NRG2: variants seen among roughly 807,000 people sequenced by gnomAD.
NRG2 encodes pro-neuregulin-2, membrane-bound isoform.
Under a neutral mutation model 73.9 loss-of-function variants are expected in NRG2, and 27 were observed. That is an observed-to-expected ratio of 0.37 (90% CI 0.27 to 0.50). NRG2 has a LOEUF of 0.50. Among genes scored for constraint, NRG2 ranks in the 20% least tolerant of loss-of-function variants. The probability of loss-of-function intolerance (pLI) is 0.96; values close to 1 mark genes in which losing one functional copy is unlikely to be tolerated. For missense variants in NRG2, 1,126 were observed against 1,210.1 expected, an observed-to-expected ratio of 0.93 and a Z score of 1.03; for synonymous variants, 532 against 541.0, an observed-to-expected ratio of 0.98 and a Z score of 0.23.
At position 139,904,678 on chromosome 5, in the gene NRG2, C is replaced by A. The variant is rs1045692053; in HGVS notation, c.701-17167G>T. Among the ~76,000 whole-genome samples, 2 of 152,132 alleles carry A rather than the reference C, an allele frequency of 1.3e-5. No homozygotes were observed. The highest frequency in any genetic ancestry group is 2.9e-5 in the Non-Finnish European group (2 of 68,008). On this transcript the variant is annotated intron_variant, in intron 1 of 9. Coordinates refer to ENST00000361474, the MANE Select transcript of NRG2 (RefSeq NM_004883.3). This position sits in a 1 kb window ranked among gnomAD's most constrained non-coding sequence, Gnocchi z 6.0. ...AGGCAAGACCGGCGCCTAAACAGGG[C>A]GCCACAGACCTCCTCGCCGAAGAGG...
chr5:139,902,608 G>A (rs1366759357), intron 1 of NRG2, among the ~76,000 whole-genome samples: 4 of 152,108 alleles, frequency 2.6e-5, no homozygotes, highest in Non-Finnish European at 5.9e-5. Flanking sequence ...GAAGCCCACC[G>A]AGTGCTTGCT....
chr5:139,927,455 G>C (rs941792341), intron 1 of NRG2, among the ~76,000 whole-genome samples: 2 of 152,084 alleles, frequency 1.3e-5, no homozygotes, highest in African/African-American at 4.8e-5. Context: ...CTAGTTCCCT[G>C]TTCAGAAACT....
At chr5:139,895,614 A>G (rs1475915009) in intron 1 of NRG2, among the ~76,000 whole-genome samples, 1 of 152,130 alleles carries the variant, frequency 6.6e-6, no homozygotes, top group African/African-American at 2.4e-5. Context: ...CAATTTCTCA[A>G]CTGTCTGCCC....
intron 1 of NRG2, among the ~76,000 whole-genome samples, chr5:139,921,339 G>C (rs1751644723): frequency 6.6e-6 from 1 of 152,186 alleles, no homozygotes; most frequent in Non-Finnish European, 1.5e-5. Flanking sequence ...GCCTGACTTT[G>C]AGGCTTTCTG....
At position 139,846,789 on chromosome 5, in the gene NRG2, AT is replaced by A. The variant is rs1166595442; in HGVS notation, c.*1127del. 1 of 152,080 alleles carries A rather than the reference AT, an allele frequency of 6.6e-6. No individual in the cohort carries two copies. Among genetic ancestry groups the A allele is most frequent in the Non-Finnish European group, 1.5e-5 (1 of 68,042 alleles). 9.4% of individuals were successfully genotyped at this position (152,080 alleles called of 1,614,324 possible). A position where few individuals can be genotyped will look rare whatever the true frequency, so the allele number is the denominator to read the frequency against. ...AGGCACACACAGTCAAACAGGAGTT[AT>A]TTCTGATTTTATTTATAATATAAAA... On this transcript the variant is annotated 3_prime_UTR_variant, in exon 10 of 10. Transcript: ENST00000361474.
chr5:139,940,456 T>C (rs1469657081), intron 1 of NRG2, among the ~76,000 whole-genome samples: 1 of 152,206 alleles, frequency 6.6e-6, no homozygotes, highest in African/African-American at 2.4e-5. Flanking sequence ...TCTAACATGA[T>C]TGTAGTGATG....
At position 139,954,391 on chromosome 5, in the gene NRG2, C is replaced by T. The variant is rs575231855; in HGVS notation, c.701-66880G>A. On this transcript the variant is annotated intron_variant, in intron 1 of 9. Transcript: ENST00000361474. The surrounding 1 kb of genome is among the most constrained non-coding windows in gnomAD (Gnocchi z 5.0). ...AGGAAGAATGAAATGACTGGAGGGG[C>T]AGGAAGGGAGGGAAATTGTGCCAGC... 1.8e-4 allele frequency among the ~76,000 whole-genome samples: 27 copies of T among 152,280 alleles called. No individual in the cohort carries two copies. The South Asian group carries it at 2.5e-3, about 14-fold the overall frequency.
At chr5:139,973,252 A>G (rs1201602554) in intron 1 of NRG2, among the ~76,000 whole-genome samples, 1 of 152,144 alleles carries the variant, frequency 6.6e-6, no homozygotes, top group Non-Finnish European at 1.5e-5. Flanking sequence ...AATAATTGAT[A>G]AAATAAATTA....
chr5:140,016,783 G>A (rs1759816964), intron 1 of NRG2, among the ~76,000 whole-genome samples: 1 of 152,218 alleles, frequency 6.6e-6, no homozygotes, highest in South Asian at 2.1e-4. Flanking sequence ...AGGAGGAAGA[G>A]CATCTCGGAG....
intron 1 of NRG2, among the ~76,000 whole-genome samples, chr5:139,927,745 C>CA (rs1431676180): frequency 1.8e-5 from 2 of 112,508 alleles, no homozygotes; most frequent in Non-Finnish European, 3.6e-5. Flanking sequence ...GCCTGGGCGA[C>CA]AAGAGTGAAA....
At chr5:139,857,510 T>A (rs1270549866) in intron 5 of NRG2, among the ~76,000 whole-genome samples, 1 of 133,520 alleles carries the variant, frequency 7.5e-6, no homozygotes, top group African/African-American at 3.8e-5. Context: ...TGAACTGTGC[T>A]TGTCTCAGTG....
At chr5:139,917,277 G>A (rs1004575801) in intron 1 of NRG2, among the ~76,000 whole-genome samples, 6 of 151,906 alleles carry the variant, frequency 3.9e-5, no homozygotes, top group African/African-American at 1.5e-4. Flanking sequence ...TTTGAGACAA[G>A]GTCTCACTCT....
intron 1 of NRG2, among the ~76,000 whole-genome samples, chr5:139,920,505 A>G (rs1428109235): frequency 1.3e-5 from 2 of 151,668 alleles, no homozygotes; most frequent in Non-Finnish European, 2.9e-5. Context: ...TATAAATAAT[A>G]AACCTTGTTT....
intron 1 of NRG2, among the ~76,000 whole-genome samples, chr5:140,029,687 CAAA>C (rs34122778): frequency 0.031 from 1,924 of 61,300 alleles, 129 homozygotes; most frequent in African/African-American, 0.098. Context: ...GACTCTGTCT[CAAA>C]AAAAAAAAAA....
chr5:139,893,932 G>T (rs1266258169), intron 1 of NRG2, among the ~76,000 whole-genome samples: 2 of 152,150 alleles, frequency 1.3e-5, no homozygotes, highest in Non-Finnish European at 2.9e-5. Context: ...CTATCTCCTG[G>T]TGCCAAGCCA....
At chr5:139,960,291 G>A (rs1158195600) in intron 1 of NRG2, among the ~76,000 whole-genome samples, 2 of 152,198 alleles carry the variant, frequency 1.3e-5, no homozygotes, top group Non-Finnish European at 2.9e-5. Context: ...GAGGCGGGCA[G>A]GTCACCTGAG....
At chr5:139,867,221 A>G (rs575667805) in intron 4 of NRG2, among the ~76,000 whole-genome samples, 9 of 152,198 alleles carry the variant, frequency 5.9e-5, no homozygotes, top group African/African-American at 2.2e-4. Flanking sequence ...GGGGAATGGG[A>G]GTGGTAGTTG....
At chr5:140,018,291 G>C (rs1759951071) in intron 1 of NRG2, among the ~76,000 whole-genome samples, 1 of 152,130 alleles carries the variant, frequency 6.6e-6, no homozygotes, top group Non-Finnish European at 1.5e-5. Context: ...GCATAACCAG[G>C]TCAAATGTGG....
chr5:139,987,933 C>T lies in NRG2; in HGVS notation c.700+54437G>A, dbSNP rs187160253. The stretch of plus-strand genomic sequence containing the variant: ...GGGACTATAGGCGCACACCGCCATG[C>T]CTGGCTAATTTTTTGTATTTTCAGT... On this transcript the variant is annotated intron_variant, in intron 1 of 9. Coordinates refer to ENST00000361474, the MANE Select transcript of NRG2 (RefSeq NM_004883.3). Among the ~76,000 whole-genome samples, 209 of 152,248 alleles carry T rather than the reference C, an allele frequency of 1.4e-3. 2 individuals are homozygous for T. The highest frequency in any genetic ancestry group is 2.6e-3 in the Non-Finnish European group (177 of 68,018).
Sources: gnomAD v4.1 joint callset for allele counts (sites outside exome capture counted in the v4.1 genomes callset) on GRCh38, gnomAD v4.1.1 for gene constraint, Gnocchi (gnomAD v3.1) non-coding constraint, MANE v1.5 for transcripts, NCBI Gene and HGNC (gene_info 2026-07-23, HGNC 2026-07-21) for gene names.